The following UGT1A10 variants were observed in gnomAD, a reference collection of about 807,000 sequenced individuals.
UGT1A10 encodes UDP glucuronosyltransferase family 1 member A10, also known as UDP-glucuronosyltransferase 1A10.
A neutral mutation model predicts 45.8 loss-of-function variants in UGT1A10; 49 were observed. The ratio of observed to expected loss-of-function variants is 1.07; its 90% CI spans 0.85 to 1.36. UGT1A10 has a LOEUF of 1.36. UGT1A10 is among the 40% of genes most tolerant of loss of function. The pLI, the probability that UGT1A10 is intolerant of heterozygous loss-of-function variation, is 0.00. For missense variants in UGT1A10, 745 were observed against 668.6 expected, an observed-to-expected ratio of 1.11 and a Z score of -1.26; for synonymous variants, 284 against 249.7, an observed-to-expected ratio of 1.14 and a Z score of -1.29.
intron 1 of UGT1A10, among the ~76,000 whole-genome samples, chr2:233,712,803 C>G (rs2076255861): frequency 6.6e-6 from 1 of 152,168 alleles, no homozygotes; most frequent in African/African-American, 2.4e-5. Context: ...TCGGTCTTTC[C>G]CAGGGTGGGG....
At chr2:233,641,768 C>T (rs1019778725) in intron 1 of UGT1A10, among the ~76,000 whole-genome samples, 1 of 152,158 alleles carries the variant, frequency 6.6e-6, no homozygotes, top group Non-Finnish European at 1.5e-5. Context: ...GATATTTTCA[C>T]CAGATATACT....
chr2:233,709,457 A>G (rs1559356404), intron 1 of UGT1A10, among the ~76,000 whole-genome samples: 2 of 152,188 alleles, frequency 1.3e-5, no homozygotes, highest in East Asian at 1.9e-4. Flanking sequence ...TTTTAAAGCA[A>G]TCATTTTGGG....
chr2:233,662,329 T>C (rs1328971039), intron 1 of UGT1A10, among the ~76,000 whole-genome samples: 1 of 152,224 alleles, frequency 6.6e-6, no homozygotes. Context: ...TTGTAGGCTA[T>C]GTGGCTTATC....
In UGT1A10 at chr2:233,760,405, T is replaced by C. The variant is rs1183811071; in HGVS notation, c.856-6629T>C. On this transcript the variant is annotated intron_variant, in intron 1 of 4. Transcript: ENST00000344644. Reference sequence around the variant, plus strand: ...GTTGATCCCAGTGGATGGCAGCCACTGGCTGAGCATGCTTGGGGCCATCCA... The same window carrying C: ...GTTGATCCCAGTGGATGGCAGCCACCGGCTGAGCATGCTTGGGGCCATCCA... 1.5e-5 allele frequency: 24 copies of C among 1,614,126 alleles called. No homozygotes were observed. Among genetic ancestry groups the C allele is most frequent in the Non-Finnish European group, 1.9e-5 (22 of 1,180,052 alleles).
chr2:233,748,333 G>A (rs1453810710), intron 1 of UGT1A10, among the ~76,000 whole-genome samples: 2 of 151,780 alleles, frequency 1.3e-5, no homozygotes, highest in Non-Finnish European at 2.9e-5. Flanking sequence ...GTGACTCATG[G>A]AGACTGTTCG....
chr2:233,768,469 G>A (rs1403858659), intron 4 of UGT1A10, 30 bp downstream of exon 4: 1 of 1,603,172 alleles, frequency 6.2e-7, no homozygotes, highest in African/African-American at 1.3e-5. Flanking sequence ...AGAATACTTT[G>A]GTCATGGCAT....
chr2:233,747,983 C>T (rs539831908), intron 1 of UGT1A10: 1 of 1,613,300 alleles, frequency 6.2e-7, no homozygotes, highest in Non-Finnish European at 8.5e-7. Flanking sequence ...TGTGGCTGTT[C>T]CGAGGGGACT....
chr2:233,760,559 C>G (rs776620061), intron 1 of UGT1A10: 5 of 1,614,238 alleles, frequency 3.1e-6, no homozygotes, highest in Non-Finnish European at 2.5e-6. Flanking sequence ...GTGAAAGAGT[C>G]TTTTGTTAGT....
intron 1 of UGT1A10, among the ~76,000 whole-genome samples, chr2:233,707,811 C>T (rs1355415040): frequency 1.3e-5 from 2 of 152,088 alleles, no homozygotes; most frequent in Admixed American, 6.6e-5. Flanking sequence ...CGTTGGAGGG[C>T]GTGCATATCA....
intron 1 of UGT1A10, among the ~76,000 whole-genome samples, chr2:233,737,200 G>A (rs1173255293): frequency 1.3e-5 from 2 of 152,180 alleles, no homozygotes; most frequent in African/African-American, 4.8e-5. Context: ...GCTGAGCTGC[G>A]GTGGACTCTG....
At chr2:233,754,995 C>T (rs769077985) in intron 1 of UGT1A10, 25 of 1,295,296 alleles carry the variant, frequency 1.9e-5, no homozygotes, top group Non-Finnish European at 2.3e-5. Flanking sequence ...GTCACGGAAG[C>T]TGAAGACCTA....
At chr2:233,684,625 A>C (rs2074688730) in intron 1 of UGT1A10, among the ~76,000 whole-genome samples, 1 of 152,192 alleles carries the variant, frequency 6.6e-6, no homozygotes, top group African/African-American at 2.4e-5. Context: ...GTATATCTTC[A>C]GTGGTGTATA....
At chr2:233,704,499 C>T (rs143604503) in intron 1 of UGT1A10, among the ~76,000 whole-genome samples, 159 of 151,990 alleles carry the variant, frequency 1.0e-3, no homozygotes, top group Middle Eastern at 3.4e-3. Context: ...TATTGTTATA[C>T]GTGGTACATC....
rs116377065 is a variant in UGT1A10, at chr2:233,702,706, G to A, written c.856-64328G>A. On this transcript the variant is annotated intron_variant, in intron 1 of 4. Transcript: ENST00000344644. ...TTTGGTTTTGTCAAATGCTTTTTCT[G>A]TGTCTATTGAAATGAACATGGTTTT... Among the ~76,000 whole-genome samples, 823 of 152,190 alleles carry A rather than the reference G, an allele frequency of 5.4e-3. 6 individuals carry two copies. Among genetic ancestry groups the A allele is most frequent in the African/African-American group, 0.019 (783 of 41,530 alleles).
rs540217987 is a variant in UGT1A10, at chr2:233,754,403, C to G, written c.856-12631C>G. On this transcript the variant is annotated intron_variant, in intron 1 of 4. Coordinates refer to ENST00000344644, the MANE Select transcript of UGT1A10 (RefSeq NM_019075.4). ...CAAACAGAGGTCCTATCCGTGCAGTCCCAACAATAAAGACAGGCATTGGCA... is the reference window on the plus strand; with the variant it reads ...CAAACAGAGGTCCTATCCGTGCAGTGCCAACAATAAAGACAGGCATTGGCA... 52 of 338,868 alleles carry G rather than the reference C, an allele frequency of 1.5e-4. 1 individual carries two copies. Among genetic ancestry groups the G allele is most frequent in the South Asian group, 1.1e-3 (47 of 41,482 alleles). 21.0% of individuals were successfully genotyped at this position (338,868 alleles called of 1,614,324 possible).
In UGT1A10 at chr2:233,757,558, ATATG is replaced by A. The variant is rs1023713263; in HGVS notation, c.856-9472_856-9469del. Among the ~76,000 whole-genome samples, 45 of 124,442 alleles carry A rather than the reference ATATG, an allele frequency of 3.6e-4. 2 individuals are homozygous for A. The highest frequency in any genetic ancestry group is 1.4e-3 in the African/African-American group (42 of 30,270). 81.6% of individuals were successfully genotyped at this position (124,442 alleles called of 152,430 possible). On this transcript the variant is annotated intron_variant, in intron 1 of 4. Coordinates refer to ENST00000344644, the MANE Select transcript of UGT1A10 (RefSeq NM_019075.4). ...GGAATATATATATATATATATATAT[ATATG>A]TATATATGATATAGCTATAGTCTAA...
intron 1 of UGT1A10, among the ~76,000 whole-genome samples, chr2:233,731,521 G>T (rs1358049437): frequency 1.3e-5 from 2 of 152,162 alleles, no homozygotes; most frequent in African/African-American, 2.4e-5. Context: ...ACCTATGAGT[G>T]AGAACATGCG....
intron 1 of UGT1A10, among the ~76,000 whole-genome samples, chr2:233,649,366 GT>G (rs1217410864): frequency 2.0e-5 from 3 of 152,086 alleles, no homozygotes; most frequent in African/African-American, 7.2e-5. Context: ...GACTTTTTTA[GT>G]ATTTTTGGAA....
chr2:233,712,954 G>A (rs367675101), intron 1 of UGT1A10: 7 of 1,612,846 alleles, frequency 4.3e-6, no homozygotes, highest in South Asian at 3.3e-5. Context: ...GAGGCACAAC[G>A]TGGGGTGGAC....
Sources: gnomAD v4.1 joint callset for allele counts (sites outside exome capture counted in the v4.1 genomes callset) on GRCh38, gnomAD v4.1.1 for gene constraint, MANE v1.5 for transcripts, NCBI Gene and HGNC (gene_info 2026-07-23, HGNC 2026-07-21) for gene names.